Variants in CAMK2D observed in about 807,000 individuals in gnomAD.
CAMK2D encodes calcium/calmodulin dependent protein kinase II delta, also known as calcium/calmodulin-dependent protein kinase type II subunit delta.
CAMK2D carries 37 observed loss-of-function variants against 84.0 expected under a neutral mutation model. The observed-to-expected ratio is 0.44, with a 90% CI of 0.34 to 0.58. CAMK2D has a LOEUF of 0.58. CAMK2D is among the 20% of genes least tolerant of loss of function. The pLI is 0.02. For synonymous variants in CAMK2D, 202 were observed against 212.5 expected (o/e 0.95, Z 0.43); for missense variants, 448 against 652.5 (o/e 0.69, Z 3.41).
intron 16 of CAMK2D, among the ~76,000 whole-genome samples, chr4:113,473,207 GC>G (rs1453813965): frequency 1.3e-5 from 2 of 152,160 alleles, no homozygotes; most frequent in African/African-American, 4.8e-5. Context: ...ACAACTGGGT[GC>G]CCCGTGGTTT....
intron 4 of CAMK2D, among the ~76,000 whole-genome samples, chr4:113,562,517 C>T (rs2098702991): frequency 6.6e-6 from 1 of 152,140 alleles, no homozygotes; most frequent in African/African-American, 2.4e-5. Flanking sequence ...TCTGTCAAAT[C>T]ATCTAAATTA....
intron 3 of CAMK2D, among the ~76,000 whole-genome samples, chr4:113,636,117 G>A (rs28546123): frequency 0.087 from 13,169 of 152,044 alleles, 1,725 homozygotes; most frequent in African/African-American, 0.28. Context: ...TTAATGTGCC[G>A]GTAACAAATC....
intron 8 of CAMK2D, among the ~76,000 whole-genome samples, chr4:113,521,715 A>ATAAT: frequency 6.6e-6 from 1 of 152,324 alleles, no homozygotes; most frequent in South Asian, 2.1e-4. Context: ...TTACTAAGCA[A>ATAAT]TAATTATTAA....
intron 5 of CAMK2D, chr4:113,548,555 G>T: frequency 1.7e-6 from 1 of 580,718 alleles, no homozygotes; most frequent in Non-Finnish European, 3.0e-6. Context: ...GAAACAAGTT[G>T]GGAAAGGCAA....
intron 3 of CAMK2D, among the ~76,000 whole-genome samples, chr4:113,626,338 T>C (rs548228622): frequency 4.6e-5 from 7 of 152,306 alleles, no homozygotes; most frequent in African/African-American, 9.6e-5. Flanking sequence ...TACCTGAATA[T>C]ACCACTTTAA....
At chr4:113,647,907 T>A (rs968155117) in intron 3 of CAMK2D, among the ~76,000 whole-genome samples, 3 of 152,342 alleles carry the variant, frequency 2.0e-5, no homozygotes, top group African/African-American at 7.2e-5. Context: ...TTGAAAACCA[T>A]GTTTTATCAG....
chr4:113,538,958 T>C (rs1028083129), intron 6 of CAMK2D, among the ~76,000 whole-genome samples: 1 of 152,126 alleles, frequency 6.6e-6, no homozygotes, highest in African/African-American at 2.4e-5. Flanking sequence ...TTTAACCACC[T>C]CAACACTAAA....
intron 13 of CAMK2D, 52 bp downstream of exon 13, chr4:113,509,586 T>C (rs904159448): frequency 7.1e-6 from 8 of 1,126,092 alleles, no homozygotes; most frequent in African/African-American, 3.1e-5. Context: ...CATTTAAAGA[T>C]TATCCAGCAT....
intron 4 of CAMK2D, among the ~76,000 whole-genome samples, chr4:113,582,241 G>A (rs903126831): frequency 1.3e-5 from 2 of 152,176 alleles, no homozygotes; most frequent in Non-Finnish European, 2.9e-5. Context: ...CACATAGGGT[G>A]TGCGTAGGAT....
chr4:113,484,683 G>A (rs1457731633), intron 16 of CAMK2D, among the ~76,000 whole-genome samples: 1 of 152,122 alleles, frequency 6.6e-6, no homozygotes, highest in African/African-American at 2.4e-5. Flanking sequence ...TATCAATCAA[G>A]TCAACACATT....
intron 2 of CAMK2D, among the ~76,000 whole-genome samples, chr4:113,705,280 T>A (rs1333496646): frequency 1.4e-5 from 2 of 139,516 alleles, no homozygotes; most frequent in Admixed American, 1.5e-4. Flanking sequence ...TGAGCTGAGA[T>A]CACCCCACTG....
At chr4:113,498,000 T>G (rs1238560002) in intron 16 of CAMK2D, among the ~76,000 whole-genome samples, 1 of 152,220 alleles carries the variant, frequency 6.6e-6, no homozygotes, top group Non-Finnish European at 1.5e-5. Context: ...TTTGTAGATA[T>G]GACATGGTTT....
At chr4:113,493,875 T>C (rs542952613) in intron 16 of CAMK2D, among the ~76,000 whole-genome samples, 34 of 152,270 alleles carry the variant, frequency 2.2e-4, no homozygotes, top group African/African-American at 5.3e-4. Context: ...CTTCCCTTCT[T>C]GCTTCATTTC....
chr4:113,632,595 A>G lies in CAMK2D; in HGVS notation c.221-23389T>C, dbSNP rs1354282626. Among the ~76,000 whole-genome samples, 4 of 152,190 alleles carry G rather than the reference A, an allele frequency of 2.6e-5. No homozygotes were observed. The East Asian group carries it at 7.7e-4, about 29-fold the overall frequency. On this transcript the variant is annotated intron_variant, in intron 3 of 20. Transcript: ENST00000511664. ...ATACCCCATAGAGAGATACTCTGCC[A>G]GGCTGGAGTGCAGTAGCTCAGTTTA...
chr4:113,518,583 C>T (rs373646871), intron 8 of CAMK2D, among the ~76,000 whole-genome samples: 3 of 152,088 alleles, frequency 2.0e-5, no homozygotes, highest in African/African-American at 4.8e-5. Context: ...TTTCCTAGCT[C>T]ATTATCCTGG....
chr4:113,601,309 T>C (rs1228718431), intron 4 of CAMK2D, among the ~76,000 whole-genome samples: 1 of 152,178 alleles, frequency 6.6e-6, no homozygotes, highest in Non-Finnish European at 1.5e-5. Context: ...TCCCTTTCTA[T>C]TAAAAGGACA....
chr4:113,657,040 A>C (rs1293405908), intron 3 of CAMK2D, among the ~76,000 whole-genome samples: 3 of 152,142 alleles, frequency 2.0e-5, no homozygotes, highest in Non-Finnish European at 4.4e-5. Context: ...AGTCCAGTTC[A>C]GCAACTCCCT....
chr4:113,584,800 A>G (rs1413803918), intron 4 of CAMK2D, among the ~76,000 whole-genome samples: 1 of 152,220 alleles, frequency 6.6e-6, no homozygotes, highest in Admixed American at 6.5e-5. Flanking sequence ...GGTTTCCAAA[A>G]GAACACAATA....
chr4:113,486,473 C>T (rs1281665575), intron 16 of CAMK2D, among the ~76,000 whole-genome samples: 1 of 152,078 alleles, frequency 6.6e-6, no homozygotes, highest in Non-Finnish European at 1.5e-5. Context: ...CTCAATATTT[C>T]AGTTTTAATA....
Sources: gnomAD v4.1 joint callset for allele counts (sites outside exome capture counted in the v4.1 genomes callset) on GRCh38, gnomAD v4.1.1 for gene constraint, MANE v1.5 for transcripts, NCBI Gene and HGNC (gene_info 2026-07-23, HGNC 2026-07-21) for gene names.